YWHAB: variants seen among roughly 807,000 people sequenced by gnomAD.
YWHAB encodes tyrosine 3-monooxygenase/tryptophan 5-monooxygenase activation protein beta, also known as 14-3-3 protein beta/alpha.
A neutral mutation model predicts 28.5 loss-of-function variants in YWHAB; 2 were observed. The ratio of observed to expected loss-of-function variants is 0.07; its 90% CI spans 0.03 to 0.22. The LOEUF (loss-of-function observed/expected upper bound fraction) is 0.22. Ranked by LOEUF, YWHAB falls within the 10% of genes least tolerant of loss-of-function variation. The pLI is 1.00. For synonymous variants in YWHAB, 103 were observed against 104.7 expected (o/e 0.98, Z 0.10); for missense variants, 148 against 297.1 (o/e 0.50, Z 3.69).
In YWHAB at chr20:44,901,604, T is replaced by C; in HGVS notation, c.71T>C (p.Met24Thr). ...LAEQAERYDD[M>T]AAAMKAVTEQ... Reference sequence around the variant, plus strand: ...GAGCAGGCTGAGCGATATGATGATATGGCTGCAGCCATGAAGGCAGTCACA... The same window carrying C: ...GAGCAGGCTGAGCGATATGATGATACGGCTGCAGCCATGAAGGCAGTCACA... The change falls in exon 2 of 6, where the codon ATG becomes ACG. Residue 24 changes from methionine to threonine, a missense_variant. Around this residue, in one of 2 missense-constraint regions of YWHAB, gnomAD observed 110 missense variants for 177.9 expected, o/e 0.62. Coordinates refer to ENST00000353703, the MANE Select transcript of YWHAB (RefSeq NM_139323.4). 1.9e-6 allele frequency: 3 copies of C among 1,614,100 alleles called. No homozygotes were observed. The highest frequency in any genetic ancestry group is 1.1e-5 in the South Asian group (1 of 91,076).
At chr20:44,898,128 C>A (rs951596033) in intron 1 of YWHAB, among the ~76,000 whole-genome samples, 2 of 152,148 alleles carry the variant, frequency 1.3e-5, no homozygotes, top group African/African-American at 4.8e-5. Context: ...TGTGGGGGTT[C>A]TGGGAAATAG....
intron 1 of YWHAB, among the ~76,000 whole-genome samples, chr20:44,894,423 A>T (rs547797850): frequency 6.6e-6 from 1 of 152,346 alleles, no homozygotes; most frequent in East Asian, 1.9e-4. Context: ...GAACAACAGT[A>T]GGTCTTGATT....
intron 5 of YWHAB, 48 bp from the exon 6 acceptor site, chr20:44,906,334 G>C (rs753146828): frequency 4.4e-6 from 7 of 1,594,682 alleles, no homozygotes; most frequent in East Asian, 4.5e-5. Flanking sequence ...CACTTACCTA[G>C]GGAACTTTTA....
At chr20:44,900,725 T>C (rs1004890643) in intron 1 of YWHAB, among the ~76,000 whole-genome samples, 1 of 152,198 alleles carries the variant, frequency 6.6e-6, no homozygotes, top group Non-Finnish European at 1.5e-5. Context: ...ATTAAGGTCA[T>C]TAAAACAAAC....
At chr20:44,899,475 G>A (rs1011497950) in intron 1 of YWHAB, among the ~76,000 whole-genome samples, 2 of 152,288 alleles carry the variant, frequency 1.3e-5, no homozygotes, top group Middle Eastern at 3.4e-3. Context: ...GTGAGACTCT[G>A]TCTCAAACAA....
chr20:44,889,090 A>C (rs1167651037), intron 1 of YWHAB, among the ~76,000 whole-genome samples: 2 of 152,166 alleles, frequency 1.3e-5, no homozygotes, highest in Non-Finnish European at 2.9e-5. Flanking sequence ...TTGTTTCTAC[A>C]TTTTTCTAGG....
At chr20:44,888,834 G>A (rs570061741) in intron 1 of YWHAB, among the ~76,000 whole-genome samples, 139 of 152,284 alleles carry the variant, frequency 9.1e-4, no homozygotes, top group African/African-American at 3.2e-3. Context: ...TCATCTAATA[G>A]AATTTGATTG....
chr20:44,890,032 A>G (rs1337781587), intron 1 of YWHAB, among the ~76,000 whole-genome samples: 2 of 152,232 alleles, frequency 1.3e-5, no homozygotes, highest in Non-Finnish European at 2.9e-5. Context: ...GATACTTAGG[A>G]TCAAATGCGT....
intron 1 of YWHAB, among the ~76,000 whole-genome samples, chr20:44,899,634 CTCT>C (rs571102215): frequency 2.0e-5 from 3 of 152,222 alleles, no homozygotes; most frequent in African/African-American, 4.8e-5. Context: ...ATAAAATTAA[CTCT>C]TCTTGTTTAG....
chr20:44,900,820 C>T (rs2425674), intron 1 of YWHAB, among the ~76,000 whole-genome samples: 5 of 151,890 alleles, frequency 3.3e-5, no homozygotes, highest in Non-Finnish European at 7.4e-5. Context: ...CTGTTGCCCA[C>T]GCTGGAGTCC....
intron 2 of YWHAB, chr20:44,903,106 C>T: frequency 1.0e-6 from 1 of 986,100 alleles, no homozygotes. Flanking sequence ...TGGACTCCTT[C>T]AGAACTACTT....
intron 1 of YWHAB, among the ~76,000 whole-genome samples, chr20:44,899,639 C>G (rs920619397): frequency 6.6e-6 from 1 of 152,234 alleles, no homozygotes; most frequent in Admixed American, 6.5e-5. Context: ...ATTAACTCTT[C>G]TTGTTTAGTA....
intron 1 of YWHAB, chr20:44,887,698 C>G (rs1315540043): frequency 6.6e-6 from 1 of 152,168 alleles, no homozygotes; most frequent in African/African-American, 2.4e-5. Context: ...TTTGCCCATT[C>G]GGCTGTGGAT....
intron 2 of YWHAB, chr20:44,903,133 T>C: frequency 1.0e-6 from 1 of 976,892 alleles, no homozygotes; most frequent in South Asian, 4.7e-5. Flanking sequence ...TAAGCATAAA[T>C]GTTTAAAGGA....
chr20:44,903,752 T>C (rs1296829441), intron 2 of YWHAB: 1 of 369,194 alleles, frequency 2.7e-6, no homozygotes, highest in Non-Finnish European at 4.9e-6. Context: ...ACAAAACATT[T>C]CATTATATGG....
chr20:44,896,868 A>T (rs1433168973), intron 1 of YWHAB, among the ~76,000 whole-genome samples: 2 of 152,276 alleles, frequency 1.3e-5, no homozygotes, highest in African/African-American at 2.4e-5. Flanking sequence ...TTATGTAAGC[A>T]GTAGCCATCA....
At position 44,905,979 on chromosome 20, in the gene YWHAB, T is replaced by C. The variant is rs200157783; in HGVS notation, c.589-22T>C. 3.3e-4 allele frequency: 527 copies of C among 1,599,342 alleles called. 4 individuals are homozygous for C. Among genetic ancestry groups the C allele is most frequent in the South Asian group, 1.2e-3 (106 of 90,356 alleles). ...AGCTCCAGAGAACTTGTGAATTCTT[T>C]GCTAAAGGCTCTTTGTTTTAGGCAT... On this transcript the variant is annotated intron_variant, in intron 4 of 5. Transcript: ENST00000353703.
chr20:44,899,441 C>G (rs2066614102), intron 1 of YWHAB, among the ~76,000 whole-genome samples: 1 of 152,254 alleles, frequency 6.6e-6, no homozygotes, highest in African/African-American at 2.4e-5. Context: ...GATCCCACCA[C>G]TGTACTTCAG....
At chr20:44,895,161 T>C (rs1468247607) in intron 1 of YWHAB, among the ~76,000 whole-genome samples, 1 of 152,192 alleles carries the variant, frequency 6.6e-6, no homozygotes, top group Non-Finnish European at 1.5e-5. Context: ...GAAGGGTTTG[T>C]AGCCCTAGAA....
Sources: gnomAD v4.1 joint callset for allele counts (sites outside exome capture counted in the v4.1 genomes callset) on GRCh38, gnomAD v4.1.1 for gene constraint, gnomAD v4.1.1 regional missense constraint, MANE v1.5 for transcripts, NCBI Gene and HGNC (gene_info 2026-07-23, HGNC 2026-07-21) for gene names.